The following NCKAP5L variants were observed in gnomAD, a reference collection of about 807,000 sequenced individuals.
NCKAP5L encodes the protein NCK associated protein 5 like.
Under a neutral mutation model 103.2 loss-of-function variants are expected in NCKAP5L, and 54 were observed. The ratio of observed to expected loss-of-function variants is 0.52; its 90% CI spans 0.42 to 0.66. The LOEUF is 0.66. NCKAP5L is among the 30% of genes least tolerant of loss of function. NCKAP5L has a pLI of 0.00. For missense variants in NCKAP5L, 1,733 were observed against 1,750.6 expected, an observed-to-expected ratio of 0.99 and a Z score of 0.18; for synonymous variants, 762 against 748.6, an observed-to-expected ratio of 1.02 and a Z score of -0.29.
chr12:49,802,257 C>CT (rs1225169958), intron 5 of NCKAP5L: 2,053 of 256,646 alleles, frequency 8.0e-3, no homozygotes, highest in South Asian at 0.014. Context: ...CTCTTTTTTT[C>CT]TTTTTTTTTT....
At chr12:49,794,610 C>CCCCG (rs1019233749) in intron 8 of NCKAP5L, among the ~76,000 whole-genome samples, 155 bp downstream of exon 8, 1 of 119,632 alleles carries the variant, frequency 8.4e-6, no homozygotes, top group African/African-American at 3.8e-5. Flanking sequence ...CACTGACCCC[C>CCCCG]CCACCAGCTG....
At position 49,797,234 on chromosome 12, in the gene NCKAP5L, G is replaced by A. The variant is rs1179022050; in HGVS notation, c.626C>T (p.Ala209Val). Reference protein sequence around the residue: ...ETDPLLLCSPATPWRPPGQGP... With the variant: ...ETDPLLLCSPVTPWRPPGQGP... ...CTGGCCTGGAGGCCGCCAGGGGGTG[G>A]CAGGTGAGCAGAGAAGCAAGGGGTC... Residue 209 changes from alanine to valine, a missense_variant, in exon 8 of 13, where the codon GCC (alanine) becomes GTC (valine). Coordinates refer to ENST00000335999, the MANE Select transcript of NCKAP5L (RefSeq NM_001037806.4). This position sits in a 1 kb window ranked among gnomAD's most constrained non-coding sequence, Gnocchi z 4.5. The A allele has an allele frequency of 6.8e-6, 11 of 1,613,502 alleles. No individual in the cohort carries two copies. Among genetic ancestry groups the A allele is most frequent in the Non-Finnish European group, 9.3e-6 (11 of 1,179,824 alleles).
chr12:49,802,004 G>A (rs761126023), intron 5 of NCKAP5L, 37 bp from the exon 6 acceptor site: 13 of 1,610,010 alleles, frequency 8.1e-6, no homozygotes, highest in Admixed American at 5.0e-5. Context: ...AAGAAGAGGT[G>A]AGGATGGTGG....
At chr12:49,818,409 A>T (rs1946323846) in intron 1 of NCKAP5L, among the ~76,000 whole-genome samples, 1 of 130,524 alleles carries the variant, frequency 7.7e-6, no homozygotes, top group East Asian at 2.1e-4. Context: ...GGCTGGTTGC[A>T]GTGGTGCAAT....
chr12:49,827,686 C>T (rs1211308603), intron 1 of NCKAP5L, among the ~76,000 whole-genome samples: 2 of 152,220 alleles, frequency 1.3e-5, no homozygotes, highest in Admixed American at 6.5e-5. Flanking sequence ...TTCTCCCTCC[C>T]TTAGCTTCTC....
rs778585173 is a variant in NCKAP5L at position 49,796,769 on chromosome 12, T to C, written c.1091A>G (p.Asp364Gly). The change falls in exon 8 of 13, where the codon GAC becomes GGC. Residue 364 changes from aspartate to glycine, a missense_variant. Coordinates refer to ENST00000335999, the MANE Select transcript of NCKAP5L (RefSeq NM_001037806.4). ...CTTAGACAGCTGTGGGGGCGCCTGG[T>C]CTGGGGAGGATGACTGCCCAGGACC... Reference protein sequence around the residue: ...HPGPGQSSSPDQAPPQLSKSK... With the variant: ...HPGPGQSSSPGQAPPQLSKSK... 1.9e-6 allele frequency: 3 copies of C among 1,613,660 alleles called. No individual in the cohort carries two copies. The highest frequency in any genetic ancestry group is 2.5e-6 in the Non-Finnish European group (3 of 1,179,796).
rs762299694 is a variant in NCKAP5L at position 49,807,926 on chromosome 12, G to A, written c.-98-1885C>T. Reference sequence around the variant, plus strand: ...GAATGGGATGAAGAAGGCAGCATTCGGGGTCTGGAAAAGGATAACGCTAAG... The same window carrying A: ...GAATGGGATGAAGAAGGCAGCATTCAGGGTCTGGAAAAGGATAACGCTAAG... On this transcript the variant is annotated intron_variant, in intron 1 of 12. Coordinates refer to ENST00000335999, the MANE Select transcript of NCKAP5L (RefSeq NM_001037806.4). Among the ~76,000 whole-genome samples the A allele has an allele frequency of 1.6e-4, 24 of 152,346 alleles. No homozygotes were observed. The South Asian group carries it at 3.1e-3, about 20-fold the overall frequency.
chr12:49,796,123 C>A lies in NCKAP5L; in HGVS notation c.1737G>T (p.Leu579=). 6.2e-7 allele frequency: 1 copy of A among 1,611,182 alleles called. No individual in the cohort carries two copies. The highest frequency in any genetic ancestry group is 8.5e-7 in the Non-Finnish European group (1 of 1,178,886). ...GPSPEPPPSP[L]QVPTYPQLTL... is the part of the protein sequence containing the mutation. ...TTAGCTGTGGGTAGGTGGGCACCTGCAGTGGGGATGGAGGTGGCTCTGGGG... is the reference window on the plus strand; with the variant it reads ...TTAGCTGTGGGTAGGTGGGCACCTGAAGTGGGGATGGAGGTGGCTCTGGGG... The change falls in exon 8 of 13, where the codon CTG becomes CTT. Residue 579 remains leucine (L), a synonymous_variant. Coordinates refer to ENST00000335999, the MANE Select transcript of NCKAP5L (RefSeq NM_001037806.4).
At chr12:49,802,323 A>G (rs974669259) in intron 5 of NCKAP5L, 1 of 191,116 alleles carries the variant, frequency 5.2e-6, no homozygotes, top group African/African-American at 2.4e-5. Context: ...ATCTCGGCTC[A>G]CTACAACCTC....
chr12:49,824,443 A>G (rs1946394678), intron 1 of NCKAP5L, among the ~76,000 whole-genome samples: 1 of 152,234 alleles, frequency 6.6e-6, no homozygotes, highest in Admixed American at 6.5e-5. Context: ...GCCCCCTTGC[A>G]TCCTTGGTAT....
chr12:49,793,303 G>A (rs1945970226), intron 10 of NCKAP5L, 49 bp downstream of exon 10: 2 of 1,545,168 alleles, frequency 1.3e-6, no homozygotes, highest in East Asian at 2.2e-5. Flanking sequence ...GGGAAGAAGT[G>A]GGTAGGGGGG....
Position 49,796,310 on chromosome 12 carries a change from T to C in NCKAP5L, c.1550A>G (p.Gln517Arg). ...GGGELSPEGAQGLPTSPSPCY... is the reference protein window; with the variant it reads ...GGGELSPEGARGLPTSPSPCY... The stretch of plus-strand genomic sequence containing the variant: ...GGGTGAAGGGCTGGTGGGCAGGCCT[T>C]GCGCCCCCTCTGGGGACAGCTCTCC... Residue 517 changes from glutamine (Q) to arginine (R), a missense_variant, in exon 8 of 13, where the codon CAA (glutamine) becomes CGA (arginine). Transcript: ENST00000335999. 1 of 1,543,668 alleles carries C rather than the reference T, an allele frequency of 6.5e-7. No homozygotes were observed. The highest frequency in any genetic ancestry group is 8.7e-7 in the Non-Finnish European group (1 of 1,144,766).
In NCKAP5L at chr12:49,792,807, G is replaced by A. The variant is rs550214977; in HGVS notation, c.3520C>T (p.His1174Tyr). The change falls in exon 11 of 13, where the codon CAC becomes TAC. Residue 1174 changes from histidine (H) to tyrosine (Y), a missense_variant. Coordinates refer to ENST00000335999, the MANE Select transcript of NCKAP5L (RefSeq NM_001037806.4). This position sits in a 1 kb window ranked among gnomAD's most constrained non-coding sequence, Gnocchi z 4.5. ...PPLTKVPRRA[H>Y]TLEREVPGIE... is the part of the protein sequence containing the mutation. Reference sequence around the variant, plus strand: ...CCTGGCACCTCCCGCTCCAGTGTGTGGGCGCGGCGGGGGACTTTGGTAAGG... The same window carrying A: ...CCTGGCACCTCCCGCTCCAGTGTGTAGGCGCGGCGGGGGACTTTGGTAAGG... The A allele has an allele frequency of 1.0e-4, 167 of 1,594,938 alleles. 2 individuals carry two copies. The East Asian group carries it at 3.6e-3, about 34-fold the overall frequency.
intron 5 of NCKAP5L, 119 bp downstream of exon 5, chr12:49,802,839 G>T: frequency 1.6e-6 from 2 of 1,252,916 alleles, no homozygotes; most frequent in Non-Finnish European, 1.1e-6. Flanking sequence ...ACCCGCCCAA[G>T]GCGGAAAGAC....
At chr12:49,811,501 C>A (rs148043548) in intron 1 of NCKAP5L, among the ~76,000 whole-genome samples, 1 of 152,130 alleles carries the variant, frequency 6.6e-6, no homozygotes. Flanking sequence ...TGCCTGCTCC[C>A]GGGCAAAGCC....
Position 49,795,694 on chromosome 12 carries a change from C to G in NCKAP5L, c.2166G>C (p.Lys722Asn), listed in dbSNP as rs143667363. 1.9e-6 allele frequency: 3 copies of G among 1,612,116 alleles called. No individual in the cohort carries two copies. Among genetic ancestry groups the G allele is most frequent in the Non-Finnish European group, 2.5e-6 (3 of 1,179,216 alleles). Residue 722 changes from lysine to asparagine, a missense_variant, in exon 8 of 13, where the codon AAG becomes AAC. By Grantham distance (94) the Lys-to-Asn change is moderately conservative (BLOSUM62 0). Coordinates refer to ENST00000335999, the MANE Select transcript of NCKAP5L (RefSeq NM_001037806.4). ...AGGCCACTGCCCCCCGTATCCCCCC[C>G]TTGGCTTCTAGCTGCTCCAGTGGCC... is the stretch of plus-strand genomic sequence containing the variant. Reference protein sequence around the residue: ...IHRPLEQLEAKGGIRGAVALG... With the variant: ...IHRPLEQLEANGGIRGAVALG...
chr12:49,795,753 C>T lies in NCKAP5L; in HGVS notation c.2107G>A (p.Glu703Lys), dbSNP rs1233060550. The change falls in exon 8 of 13, where the codon GAG (glutamate) becomes AAG (lysine). Residue 703 changes from glutamate (E) to lysine (K), a missense_variant. By Grantham distance (56) the Glu-to-Lys change is moderately conservative. Coordinates refer to ENST00000335999, the MANE Select transcript of NCKAP5L (RefSeq NM_001037806.4). Reference protein sequence around the residue: ...EKTRGPGKSGESAGDMVPSIH... With the variant: ...EKTRGPGKSGKSAGDMVPSIH... ...GAGGGCACCATGTCTCCAGCACTCT[C>T]CCCTGACTTCCCAGGTCCCCGGGTC... 1 of 1,597,218 alleles carries T rather than the reference C, an allele frequency of 6.3e-7. No homozygotes were observed. Among genetic ancestry groups the T allele is most frequent in the South Asian group, 1.1e-5 (1 of 88,462 alleles).
In NCKAP5L at chr12:49,793,964, G is replaced by A. The variant is rs572992928; in HGVS notation, c.3096-68C>T. ...GCCCAGACATTCCAGCCTTGCACCC[G>A]CCAATGGTGCTGGGCTTAGGGAGGC... On this transcript the variant is annotated intron_variant, in intron 8 of 12. Transcript: ENST00000335999. 4.7e-5 allele frequency: 64 copies of A among 1,353,574 alleles called. No individual in the cohort carries two copies. In the Middle Eastern group the frequency reaches 6.1e-4, roughly 13 times the overall value. 83.8% of individuals were successfully genotyped at this position (1,353,574 alleles called of 1,614,324 possible).
At chr12:49,817,703 G>T (rs1946314281) in intron 1 of NCKAP5L, among the ~76,000 whole-genome samples, 1 of 152,066 alleles carries the variant, frequency 6.6e-6, no homozygotes, top group South Asian at 2.1e-4. Flanking sequence ...AAGATGCCAA[G>T]AACATACAAC....
Sources: allele counts gnomAD v4.1 joint callset (sites outside exome capture counted in the v4.1 genomes callset), GRCh38; gene constraint gnomAD v4.1.1; non-coding constraint Gnocchi (gnomAD v3.1); transcripts MANE v1.5; gene names NCBI Gene and HGNC (gene_info 2026-07-23, HGNC 2026-07-21).